The following FAM186A variants were observed in gnomAD, a reference collection of about 807,000 sequenced individuals.
The protein encoded by FAM186A is protein FAM186A.
Under a neutral mutation model 216.8 loss-of-function variants are expected in FAM186A, and 163 were observed. That is an observed-to-expected ratio of 0.75 (90% confidence interval 0.66 to 0.86). The LOEUF (loss-of-function observed/expected upper bound fraction) is 0.86. Among genes scored for constraint, FAM186A ranks in the 40% least tolerant of loss-of-function variants. The probability of loss-of-function intolerance (pLI) is 0.00; values close to 1 mark genes in which losing one functional copy is unlikely to be tolerated. For synonymous variants in FAM186A, 805 were observed against 1,025.3 expected (o/e 0.79, Z 4.10); for missense variants, 2,184 against 2,746.2 (o/e 0.80, Z 4.58).
chr12:50,376,400 T>A (rs1302490257), intron 1 of FAM186A, among the ~76,000 whole-genome samples: 1 of 152,126 alleles, frequency 6.6e-6, no homozygotes, highest in Non-Finnish European at 1.5e-5. Context: ...AGTGAGTAGC[T>A]CCTATCCGCA....
At chr12:50,388,118 C>A (rs1372153401) in intron 1 of FAM186A, among the ~76,000 whole-genome samples, 1 of 152,138 alleles carries the variant, frequency 6.6e-6, no homozygotes, top group Non-Finnish European at 1.5e-5. Context: ...GCTTGACCTT[C>A]AGCGGCTTTC....
intron 2 of FAM186A, among the ~76,000 whole-genome samples, chr12:50,362,902 A>G (rs570055854): frequency 1.1e-4 from 17 of 152,268 alleles, no homozygotes; most frequent in Admixed American, 1.1e-3. Context: ...AGGGAATAGT[A>G]TGCATAAAAA....
intron 1 of FAM186A, chr12:50,366,144 G>T: frequency 1.7e-6 from 1 of 582,542 alleles, no homozygotes. Context: ...AAAAGAATAA[G>T]ATTTGGATTT....
At chr12:50,368,167 C>T (rs1041364034) in intron 1 of FAM186A, among the ~76,000 whole-genome samples, 3 of 148,954 alleles carry the variant, frequency 2.0e-5, no homozygotes, top group Non-Finnish European at 4.4e-5. Context: ...ATTGAGAGGC[C>T]GAGACAGGTG....
At chr12:50,337,628 C>A (rs1425418516) in intron 4 of FAM186A, among the ~76,000 whole-genome samples, 1 of 151,076 alleles carries the variant, frequency 6.6e-6, no homozygotes, top group Non-Finnish European at 1.5e-5. Context: ...CCGGGCGCGG[C>A]GGCTCACGCC....
chr12:50,342,239 G>C (rs1373198594), intron 4 of FAM186A, among the ~76,000 whole-genome samples: 2 of 151,508 alleles, frequency 1.3e-5, no homozygotes, highest in Non-Finnish European at 2.9e-5. Context: ...CTGGGAGGCA[G>C]AGGTTGCAGT....
At chr12:50,365,908 A>G in intron 1 of FAM186A, 1 of 763,052 alleles carries the variant, frequency 1.3e-6, no homozygotes. Flanking sequence ...GAACGGGTGC[A>G]GTGGAAAAAG....
In FAM186A at chr12:50,396,608, C is replaced by G. The variant is rs748885840; in HGVS notation, c.-124G>C. ...CTGATCCTAGAAGTTGTGGCATACTCTGCTACTAATTGGTGGCTCCCATGA... is the reference window on the plus strand; with the variant it reads ...CTGATCCTAGAAGTTGTGGCATACTGTGCTACTAATTGGTGGCTCCCATGA... On this transcript the variant is annotated 5_prime_UTR_variant, in exon 1 of 8. Coordinates refer to ENST00000327337, the MANE Select transcript of FAM186A (RefSeq NM_001145475.3). 2 of 910,184 alleles carry G rather than the reference C, an allele frequency of 2.2e-6. No individual in the cohort carries two copies. The highest frequency in any genetic ancestry group is 3.2e-6 in the Non-Finnish European group (2 of 616,868). 56.4% of individuals were successfully genotyped at this position (910,184 alleles called of 1,614,324 possible).
Position 50,363,433 on chromosome 12 carries a change from C to T in FAM186A, c.193-69G>A, listed in dbSNP as rs1004928218. 4 of 1,283,340 alleles carry T rather than the reference C, an allele frequency of 3.1e-6. No homozygotes were observed. In the African/African-American group the frequency reaches 4.5e-5, roughly 14 times the overall value. The allele number at this position is 1,283,340 out of a possible 1,614,324, so 79.5% of individuals were successfully genotyped here. On this transcript the variant is annotated intron_variant, in intron 1 of 7. Transcript: ENST00000327337. Reference sequence around the variant, plus strand: ...AAGAAGCTTTGGTCATCTTTCTTCTCAGAACGTCAGTGACAGTTAATTTAA... The same window carrying T: ...AAGAAGCTTTGGTCATCTTTCTTCTTAGAACGTCAGTGACAGTTAATTTAA...
intron 1 of FAM186A, among the ~76,000 whole-genome samples, chr12:50,395,812 AGTGCAATG>A (rs1215346507): frequency 6.6e-6 from 1 of 151,684 alleles, no homozygotes; most frequent in Non-Finnish European, 1.5e-5. Flanking sequence ...CCCAGGCTGG[AGTGCAATG>A]GTGCAATCTT....
chr12:50,348,573 T>G (rs946425113), intron 4 of FAM186A, among the ~76,000 whole-genome samples: 4 of 152,040 alleles, frequency 2.6e-5, no homozygotes, highest in Admixed American at 2.0e-4. Flanking sequence ...TTTTTATTTT[T>G]TCCTGAGATG....
intron 4 of FAM186A, among the ~76,000 whole-genome samples, chr12:50,348,122 G>A (rs1290596780): frequency 1.4e-5 from 2 of 138,920 alleles, no homozygotes; most frequent in East Asian, 4.3e-4. Context: ...TCTGCTCACT[G>A]CAACCTCCAC....
chr12:50,351,538 A>G lies in FAM186A; in HGVS notation c.5294T>C (p.Val1765Ala). The change falls in exon 4 of 8, where the codon GTT (valine) becomes GCT (alanine). Residue 1765 changes from valine (V) to alanine (A), a missense_variant. Val to Ala is a moderately conservative substitution (Grantham distance 64). Around this residue, in one of 7 missense-constraint regions of FAM186A, gnomAD observed 721 missense variants for 816.4 expected, o/e 0.88. Transcript: ENST00000327337. ...GGCAAAGGGGCCTTGGTTGAGGGGA[A>G]CCCTTGATATCTGCAAAGGAGTAGA... Reference protein sequence around the residue: ...VSSTPLQISRVPLNQGPFAPG... With the variant: ...VSSTPLQISRAPLNQGPFAPG... 1 of 1,528,340 alleles carries G rather than the reference A, an allele frequency of 6.5e-7. No individual in the cohort carries two copies. Among genetic ancestry groups the G allele is most frequent in the South Asian group, 1.3e-5 (1 of 79,930 alleles). 94.7% of individuals were successfully genotyped at this position (1,528,340 alleles called of 1,614,324 possible).
In FAM186A at chr12:50,343,420, TTGTTGTTGC is replaced by T. The variant is rs758575727; in HGVS notation, c.6503+6900_6503+6908del. On this transcript the variant is annotated intron_variant, in intron 4 of 7. Transcript: ENST00000327337. ...AAATTGAACATTCAGGGTTTTTTTA[TTGTTGTTGC>T]TGTTGTTGCTGTTTTCTGAGACAGA... Among the ~76,000 whole-genome samples the T allele has an allele frequency of 8.5e-5, 13 of 152,274 alleles. No individual in the cohort carries two copies. The East Asian group carries it at 2.1e-3, about 25-fold the overall frequency.
chr12:50,329,862 T>A (rs867989623), intron 7 of FAM186A, among the ~76,000 whole-genome samples: 46 of 152,254 alleles, frequency 3.0e-4, no homozygotes. Context: ...TCCCAAAGTG[T>A]TGGGATTACA....
At chr12:50,359,207 T>G (rs1273884595) in intron 3 of FAM186A, among the ~76,000 whole-genome samples, 1 of 152,034 alleles carries the variant, frequency 6.6e-6, no homozygotes, top group African/African-American at 2.4e-5. Context: ...GAGACCAGCC[T>G]GACCAACATG....
chr12:50,387,763 CA>C (rs1943317568), intron 1 of FAM186A, among the ~76,000 whole-genome samples: 5 of 152,198 alleles, frequency 3.3e-5, no homozygotes, highest in Admixed American at 3.3e-4. Context: ...CCCTCTTGAA[CA>C]TGTCTAGTCC....
At chr12:50,357,164 T>C (rs1158257917) in intron 3 of FAM186A, among the ~76,000 whole-genome samples, 1 of 152,138 alleles carries the variant, frequency 6.6e-6, no homozygotes, top group Non-Finnish European at 1.5e-5. Flanking sequence ...TTTTTCTGAA[T>C]CAAAGCTTGC....
At chr12:50,347,966 G>A (rs985961767) in intron 4 of FAM186A, among the ~76,000 whole-genome samples, 12 of 151,320 alleles carry the variant, frequency 7.9e-5, no homozygotes, top group Admixed American at 1.3e-4. Context: ...TCTGCCTCTC[G>A]GGTTCAAGCA....
Sources: gnomAD v4.1 joint callset for allele counts (sites outside exome capture counted in the v4.1 genomes callset) on GRCh38, gnomAD v4.1.1 for gene constraint, gnomAD v4.1.1 regional missense constraint, MANE v1.5 for transcripts, NCBI Gene and HGNC (gene_info 2026-07-23, HGNC 2026-07-21) for gene names.